HYDIN: variants seen among roughly 807,000 people sequenced by gnomAD.
The protein encoded by HYDIN is HYDIN axonemal central pair apparatus protein, also known as axonemal central pair apparatus protein HYDIN.
HYDIN carries 132 observed loss-of-function variants against 403.9 expected under a neutral mutation model. The observed-to-expected ratio is 0.33, with a 90% CI of 0.28 to 0.38. HYDIN has a LOEUF of 0.38. Among genes scored for constraint, HYDIN ranks in the 10% least tolerant of loss-of-function variants. HYDIN has a pLI of 1.00. For missense variants in HYDIN, 2,827 were observed against 5,009.5 expected (o/e 0.56, Z 13.15); for synonymous variants, 1,202 against 1,891.7 (o/e 0.64, Z 9.46).
At chr16:70,846,855 G>A (rs2038243033) in intron 75 of HYDIN, among the ~76,000 whole-genome samples, 1 of 108,302 alleles carries the variant, frequency 9.2e-6, no homozygotes, top group Non-Finnish European at 1.9e-5. Flanking sequence ...TCAGAGACTA[G>A]GATTGCAACC....
chr16:71,034,105 G>A (rs996131016), intron 18 of HYDIN, among the ~76,000 whole-genome samples: 83 of 151,604 alleles, frequency 5.5e-4, no homozygotes, highest in Non-Finnish European at 2.5e-4. Flanking sequence ...GTTTGGTACC[G>A]CAGAAGAAGC....
chr16:71,216,834 C>T (rs552043322), intron 1 of HYDIN, among the ~76,000 whole-genome samples: 3 of 152,166 alleles, frequency 2.0e-5, no homozygotes, highest in East Asian at 3.9e-4. Context: ...TCAAATAGGT[C>T]GCCTAAGTTT....
In HYDIN at chr16:70,991,069, C is replaced by G. The variant is rs1345825971; in HGVS notation, c.3864+249G>C. The stretch of plus-strand genomic sequence containing the variant: ...AATTTTTAAGCCCCCTTTGTTTTTG[C>G]TACAGAATTATTAAGAAAATATTTT... On this transcript the variant is annotated intron_variant, in intron 25 of 85. Transcript: ENST00000393567. 2.0e-5 allele frequency among the ~76,000 whole-genome samples: 3 copies of G among 152,282 alleles called. No individual in the cohort carries two copies. In the East Asian group the frequency reaches 5.8e-4, roughly 29 times the overall value.
At chr16:71,100,331 T>C (rs2083420127) in intron 10 of HYDIN, among the ~76,000 whole-genome samples, 1 of 152,214 alleles carries the variant, frequency 6.6e-6, no homozygotes. Context: ...CAGATTTATA[T>C]CTATAAATTC....
At chr16:71,186,979 ATT>A in intron 1 of HYDIN, 61 bp from the exon 2 acceptor site, 2 of 1,106,786 alleles carry the variant, frequency 1.8e-6, no homozygotes, top group Non-Finnish European at 2.6e-6. Context: ...ACAGGTCATA[ATT>A]TTTTTTAAGC....
intron 18 of HYDIN, among the ~76,000 whole-genome samples, chr16:71,055,293 G>A (rs1378633726): frequency 6.6e-6 from 1 of 152,202 alleles, no homozygotes; most frequent in Admixed American, 6.5e-5. Context: ...TAGTTAAAAT[G>A]GGAATAATAA....
chr16:70,858,688 G>A (rs868729275), intron 71 of HYDIN, among the ~76,000 whole-genome samples: 285 of 147,764 alleles, frequency 1.9e-3, no homozygotes, highest in African/African-American at 7.3e-3. Flanking sequence ...CTGGAGGTGT[G>A]TCACCTCAAT....
chr16:71,015,361 A>G (rs1238644014), intron 23 of HYDIN, among the ~76,000 whole-genome samples: 2 of 151,928 alleles, frequency 1.3e-5, no homozygotes, highest in Non-Finnish European at 2.9e-5. Flanking sequence ...TACATTTTCA[A>G]AAGTTCATCC....
chr16:71,142,299 TTC>T (rs1748777145), intron 7 of HYDIN, among the ~76,000 whole-genome samples: 2 of 124,844 alleles, frequency 1.6e-5, no homozygotes, highest in Non-Finnish European at 3.3e-5. Context: ...GATTATATTA[TTC>T]TCTGTGTTTT....
chr16:70,941,803 C>T lies in HYDIN; in HGVS notation c.6686G>A (p.Arg2229Gln), dbSNP rs555843358. ...AERIQLSDCY[R>Q]GVVFDGLDTL... ...GTCGAGGCCATCAAACACCACTCCT[C>T]GGTAGCAGTCACTCAGCTGAAACCA... Residue 2229 changes from arginine (R) to glutamine (Q), a missense_variant, in exon 43 of 86, where the codon CGA becomes CAA. Transcript: ENST00000393567. 20 of 1,520,210 alleles carry T rather than the reference C, an allele frequency of 1.3e-5. No individual in the cohort carries two copies. Among genetic ancestry groups the T allele is most frequent in the African/African-American group, 2.8e-5 (2 of 71,198 alleles). The allele number at this position is 1,520,210 out of a possible 1,614,324, so 94.2% of individuals were successfully genotyped here.
chr16:71,227,377 C>G (rs2144777486), intron 1 of HYDIN, among the ~76,000 whole-genome samples: 1 of 152,120 alleles, frequency 6.6e-6, no homozygotes, highest in Middle Eastern at 3.4e-3. Flanking sequence ...TCAAATTGTC[C>G]CTGTTTGCAG....
intron 44 of HYDIN, 69 bp downstream of exon 44, chr16:70,938,545 G>A (rs1000677908): frequency 7.5e-5 from 74 of 987,368 alleles, no homozygotes; most frequent in Non-Finnish European, 1.1e-4. Context: ...CTCACACCCC[G>A]GTCCTGGTCA....
chr16:70,904,699 A>C (rs2076487069), intron 50 of HYDIN, among the ~76,000 whole-genome samples: 1 of 150,162 alleles, frequency 6.7e-6, no homozygotes, highest in Non-Finnish European at 1.5e-5. Flanking sequence ...ACGGGGTTTC[A>C]CCATGTTAGC....
intron 69 of HYDIN, among the ~76,000 whole-genome samples, chr16:70,861,106 A>G (rs896277368): frequency 6.6e-6 from 1 of 151,684 alleles, no homozygotes; most frequent in Non-Finnish European, 1.5e-5. Context: ...CCTTCTGTGT[A>G]CCTAAGTATG....
At chr16:71,133,042 T>C (rs1368995881) in intron 8 of HYDIN, 1 of 339,492 alleles carries the variant, frequency 2.9e-6, no homozygotes, top group African/African-American at 2.2e-5. Flanking sequence ...TTACAAATGG[T>C]CTAGTAGCTA....
chr16:71,183,706 T>C (rs1383753389), intron 3 of HYDIN, among the ~76,000 whole-genome samples: 3 of 152,018 alleles, frequency 2.0e-5, no homozygotes, highest in Non-Finnish European at 4.4e-5. Flanking sequence ...ATCAAACACA[T>C]AAAACAAAGA....
In HYDIN at chr16:71,191,175, A is replaced by G. The variant is rs188620121; in HGVS notation, c.-23-4257T>C. On this transcript the variant is annotated intron_variant, in intron 1 of 85. Coordinates refer to ENST00000393567, the MANE Select transcript of HYDIN (RefSeq NM_001270974.2). ...TTTAAATTCATTAACTAATACTCCT[A>G]TCAAACTATACCCATTCCAAAAAAT... Among the ~76,000 whole-genome samples the G allele has an allele frequency of 1.4e-3, 209 of 152,340 alleles. 1 individual carries two copies. The highest frequency in any genetic ancestry group is 4.9e-3 in the African/African-American group (203 of 41,582).
intron 75 of HYDIN, among the ~76,000 whole-genome samples, chr16:70,841,408 G>A: frequency 6.6e-6 from 1 of 152,028 alleles, no homozygotes; most frequent in East Asian, 1.9e-4. Flanking sequence ...CACAAACCGG[G>A]CTTTTCTCAG....
chr16:71,133,097 C>A, intron 8 of HYDIN: 1 of 386,162 alleles, frequency 2.6e-6, no homozygotes, highest in East Asian at 7.1e-5. Flanking sequence ...GTCTCCAGTG[C>A]AGCAGGGTTG....
Sources: gnomAD v4.1 joint callset for allele counts (sites outside exome capture counted in the v4.1 genomes callset) on GRCh38, gnomAD v4.1.1 for gene constraint, MANE v1.5 for transcripts, NCBI Gene and HGNC (gene_info 2026-07-23, HGNC 2026-07-21) for gene names.